The following TRDN variants were observed in gnomAD, a reference collection of about 807,000 sequenced individuals.
TRDN encodes triadin in skeletal muscle.
A neutral mutation model predicts 149.7 loss-of-function variants in TRDN; 161 were observed. The observed-to-expected ratio is 1.08, with a 90% CI of 0.95 to 1.23. The LOEUF (loss-of-function observed/expected upper bound fraction) is 1.23. Ranked by LOEUF, TRDN falls within the 50% of genes most tolerant of loss-of-function variation. TRDN has a pLI of 0.00. For missense variants in TRDN, 896 were observed against 823.5 expected, an observed-to-expected ratio of 1.09 and a Z score of -1.08; for synonymous variants, 294 against 250.5, an observed-to-expected ratio of 1.17 and a Z score of -1.64.
chr6:123,512,962 A>G (rs1343302068), intron 6 of TRDN, among the ~76,000 whole-genome samples: 1 of 152,198 alleles, frequency 6.6e-6, no homozygotes, highest in Non-Finnish European at 1.5e-5. Flanking sequence ...TACTTACATC[A>G]TTAAGAAATG....
At chr6:123,403,197 G>T (rs1483237593) in intron 12 of TRDN, among the ~76,000 whole-genome samples, 1 of 152,052 alleles carries the variant, frequency 6.6e-6, no homozygotes, top group Non-Finnish European at 1.5e-5. Flanking sequence ...CCAGGGAAAA[G>T]ACATTTTTTT....
intron 5 of TRDN, among the ~76,000 whole-genome samples, chr6:123,527,898 G>GA (rs1025194543): frequency 6.6e-6 from 1 of 151,386 alleles, no homozygotes; most frequent in Non-Finnish European, 1.5e-5. Flanking sequence ...TCTTTTATGG[G>GA]AAAAAATCCA....
chr6:123,317,679 T>C (rs980860448), intron 23 of TRDN, among the ~76,000 whole-genome samples: 3 of 151,982 alleles, frequency 2.0e-5, no homozygotes, highest in Admixed American at 1.3e-4. Context: ...GAAAATTTTG[T>C]TATTGTCTGT....
At chr6:123,299,451 T>C (rs918517178) in intron 24 of TRDN, among the ~76,000 whole-genome samples, 1 of 152,054 alleles carries the variant, frequency 6.6e-6, no homozygotes, top group Non-Finnish European at 1.5e-5. Context: ...GGGTAGTTAT[T>C]ATGTCTTTAC....
chr6:123,462,003 A>T (rs1776476468), intron 10 of TRDN, among the ~76,000 whole-genome samples: 1 of 152,182 alleles, frequency 6.6e-6, no homozygotes, highest in African/African-American at 2.4e-5. Context: ...TTATATTTAC[A>T]TTAGGTTCAT....
intron 5 of TRDN, among the ~76,000 whole-genome samples, chr6:123,519,702 A>T (rs867205582): frequency 6.6e-6 from 1 of 151,332 alleles, no homozygotes. Context: ...AGACTACTGC[A>T]TAGGACTAAT....
Position 123,349,543 on chromosome 6 carries a change from G to A in TRDN, c.1369+2996C>T, listed in dbSNP as rs925083595. ...TGACTTAGTCAACATATGCAAATAA[G>A]TTATTTTAAAAATACATATTAAGCA... On this transcript the variant is annotated intron_variant, in intron 21 of 40. Transcript: ENST00000334268. 13 of 894,782 alleles carry A rather than the reference G, an allele frequency of 1.5e-5. No individual in the cohort carries two copies. The South Asian group carries it at 1.6e-4, about 11-fold the overall frequency. 55.4% of individuals were successfully genotyped at this position (894,782 alleles called of 1,614,324 possible). A position where few individuals can be genotyped will look rare whatever the true frequency, so the allele number is the denominator to read the frequency against.
At chr6:123,254,866 A>C in intron 37 of TRDN, 4 of 429,324 alleles carry the variant, frequency 9.3e-6, no homozygotes, top group South Asian at 5.0e-5. Context: ...GTTCATGTTA[A>C]TGTTGCTAAT....
chr6:123,593,535 T>TA (rs1783890764), intron 1 of TRDN, among the ~76,000 whole-genome samples: 1 of 152,226 alleles, frequency 6.6e-6, no homozygotes, highest in Admixed American at 6.5e-5. Context: ...AAAGTATTGA[T>TA]AGGGTTCTTT....
chr6:123,401,654 T>C (rs1225493677), intron 12 of TRDN, among the ~76,000 whole-genome samples: 1 of 151,920 alleles, frequency 6.6e-6, no homozygotes, highest in Non-Finnish European at 1.5e-5. Flanking sequence ...ATAGACAAGA[T>C]TTAAAGGAGG....
In TRDN at chr6:123,505,244, C is replaced by CA. The variant is rs34096424; in HGVS notation, c.611-1344dup. ...GGGCAACAAGAGCAAAACTCTGTCT[C>CA]AAAAAAAAAAAAAAAAAAAAAAAAA... On this transcript the variant is annotated intron_variant, in intron 7 of 40. Transcript: ENST00000334268. Among the ~76,000 whole-genome samples, 693 of 77,042 alleles carry CA rather than the reference C, an allele frequency of 9.0e-3. 27 individuals are homozygous for CA. Among genetic ancestry groups the CA allele is most frequent in the South Asian group, 0.034 (50 of 1,486 alleles). 50.5% of individuals were successfully genotyped at this position (77,042 alleles called of 152,430 possible).
chr6:123,241,589 A>G (rs941878487), intron 38 of TRDN, among the ~76,000 whole-genome samples: 1 of 151,962 alleles, frequency 6.6e-6, no homozygotes, highest in Non-Finnish European at 1.5e-5. Flanking sequence ...ATTAAAAGTT[A>G]GAAAGCTTTT....
intron 7 of TRDN, chr6:123,509,408 AG>A (rs1186832870): frequency 6.6e-6 from 1 of 152,104 alleles, no homozygotes; most frequent in Non-Finnish European, 1.5e-5. Context: ...AGTCTAGATA[AG>A]ATTGTAATTT....
At chr6:123,328,437 A>G (rs1310445219) in intron 23 of TRDN, among the ~76,000 whole-genome samples, 1 of 152,194 alleles carries the variant, frequency 6.6e-6, no homozygotes, top group African/African-American at 2.4e-5. Flanking sequence ...TTGGAATTTC[A>G]GGTTATATTT....
chr6:123,460,297 C>T (rs1210165159), intron 10 of TRDN, among the ~76,000 whole-genome samples: 3 of 151,980 alleles, frequency 2.0e-5, no homozygotes, highest in Non-Finnish European at 4.4e-5. Context: ...CTGTGGATAC[C>T]AATAAAGAGC....
intron 29 of TRDN, 123 bp from the exon 30 acceptor site, chr6:123,271,309 A>G (rs530301855): frequency 5.6e-6 from 3 of 531,420 alleles, no homozygotes; most frequent in East Asian, 6.2e-5. Flanking sequence ...TTGCCTCAAT[A>G]AAACAGCAAA....
rs997867334 is a variant in TRDN, at chr6:123,632,773, C to T, written c.22+3981G>A. Among the ~76,000 whole-genome samples, 4 of 151,788 alleles carry T rather than the reference C, an allele frequency of 2.6e-5. No individual in the cohort carries two copies. In the South Asian group the frequency reaches 6.2e-4, roughly 24 times the overall value. On this transcript the variant is annotated intron_variant, in intron 1 of 40. Coordinates refer to ENST00000334268, the MANE Select transcript of TRDN (RefSeq NM_006073.4). The stretch of plus-strand genomic sequence containing the variant: ...GTAAATGCAGAAACATAGGTTGGAT[C>T]GCCTCATAATTTCACCATCTGTCAT...
chr6:123,503,494 A>G (rs548181384), intron 8 of TRDN: 1 of 984,866 alleles, frequency 1.0e-6, no homozygotes, highest in African/African-American at 1.7e-5. Flanking sequence ...CCTTTTAAAA[A>G]TACTTCAAAA....
At chr6:123,267,673 TAAGACAG>T (rs1236618951) in intron 32 of TRDN, 27 bp downstream of exon 32, 1 of 1,434,358 alleles carries the variant, frequency 7.0e-7, no homozygotes, top group Non-Finnish European at 9.5e-7. Context: ...ATAGTGAACA[TAAGACAG>T]AATATAAACC....
Sources: gnomAD v4.1 joint callset for allele counts (sites outside exome capture counted in the v4.1 genomes callset) on GRCh38, gnomAD v4.1.1 for gene constraint, MANE v1.5 for transcripts, NCBI Gene and HGNC (gene_info 2026-07-23, HGNC 2026-07-21) for gene names.